Variants in SGCZ observed in about 807,000 individuals in gnomAD.
SGCZ encodes the protein sarcoglycan zeta, also known as zeta-sarcoglycan.
SGCZ carries 40 observed loss-of-function variants against 41.3 expected under a neutral mutation model. That is an observed-to-expected ratio of 0.97 (90% CI 0.75 to 1.26). The LOEUF (loss-of-function observed/expected upper bound fraction) is 1.26, where lower values mean the gene tolerates loss of function less well. Among genes scored for constraint, SGCZ ranks in the 50% most tolerant of loss-of-function variants. The pLI is 0.00. For synonymous variants in SGCZ, 206 were observed against 137.5 expected, an observed-to-expected ratio of 1.50 and a Z score of -3.49; for missense variants, 552 against 369.8, an observed-to-expected ratio of 1.49 and a Z score of -4.04.
At chr8:14,314,247 T>C (rs536686026) in intron 3 of SGCZ, among the ~76,000 whole-genome samples, 5 of 152,144 alleles carry the variant, frequency 3.3e-5, no homozygotes, top group African/African-American at 1.2e-4. Context: ...AACTTCAAAC[T>C]GTCTCCCAGT....
intron 1 of SGCZ, among the ~76,000 whole-genome samples, chr8:14,793,094 T>G (rs1314606936): frequency 6.6e-6 from 1 of 152,230 alleles, no homozygotes; most frequent in Non-Finnish European, 1.5e-5. Context: ...TTTCTTCCTA[T>G]TTTAGGAAAA....
intron 2 of SGCZ, among the ~76,000 whole-genome samples, chr8:14,524,084 G>A (rs1317489548): frequency 6.6e-6 from 1 of 151,936 alleles, no homozygotes; most frequent in African/African-American, 2.4e-5. Flanking sequence ...GGCAAAGTTG[G>A]TATCTAGTGA....
At chr8:15,016,925 T>C (rs1803061113) in intron 1 of SGCZ, among the ~76,000 whole-genome samples, 1 of 151,876 alleles carries the variant, frequency 6.6e-6, no homozygotes, top group African/African-American at 2.4e-5. Flanking sequence ...GCAGATCTGG[T>C]AATAATTAAT....
chr8:14,726,324 C>CTATATATATATATATA (rs1362751704), intron 1 of SGCZ, among the ~76,000 whole-genome samples: 1 of 121,176 alleles, frequency 8.3e-6, no homozygotes, highest in Admixed American at 8.8e-5. Context: ...ATATATATAT[C>CTATATATATATATATA]TATATATATA....
chr8:14,163,555 T>C (rs913893462), intron 5 of SGCZ, among the ~76,000 whole-genome samples: 2 of 152,348 alleles, frequency 1.3e-5, no homozygotes, highest in East Asian at 1.9e-4. Context: ...CTCTTCATTA[T>C]GTACTGAGCA....
intron 4 of SGCZ, among the ~76,000 whole-genome samples, chr8:14,168,206 A>G (rs1223983194): frequency 6.6e-6 from 1 of 152,208 alleles, no homozygotes; most frequent in Admixed American, 6.5e-5. Flanking sequence ...GAGATTCAAA[A>G]TTACCAACTA....
At chr8:14,170,794 G>C (rs554454649) in intron 4 of SGCZ, among the ~76,000 whole-genome samples, 2 of 151,584 alleles carry the variant, frequency 1.3e-5, no homozygotes, top group African/African-American at 2.4e-5. Context: ...TTTTTGACTC[G>C]TTAAGAAAAA....
At position 14,928,877 on chromosome 8, in the gene SGCZ, A is replaced by G. The variant is rs189270189; in HGVS notation, c.39+308708T>C. On this transcript the variant is annotated intron_variant, in intron 1 of 7. Transcript: ENST00000382080. The stretch of plus-strand genomic sequence containing the variant: ...ACAGAAATGAATGGATAATGTGCCT[A>G]TTATACCATCTCTCAAATATTAAAT... Among the ~76,000 whole-genome samples the G allele has an allele frequency of 4.1e-3, 620 of 152,314 alleles. 5 individuals carry two copies. The highest frequency in any genetic ancestry group is 0.017 in the South Asian group (83 of 4,826).
rs577764717 is a variant in SGCZ, at chr8:14,626,877, G to T, written c.40-71951C>A. On this transcript the variant is annotated intron_variant, in intron 1 of 7. Coordinates refer to ENST00000382080, the MANE Select transcript of SGCZ (RefSeq NM_139167.4). ...CACTTAGTTTGTGGTACTTTGTGAT[G>T]GTAGCAAACTAATAAACTGGCTCAT... 1.8e-4 allele frequency among the ~76,000 whole-genome samples: 27 copies of T among 152,168 alleles called. No individual in the cohort carries two copies. In the South Asian group the frequency reaches 5.2e-3, roughly 29 times the overall value.
chr8:14,952,254 C>G (rs1243128209), intron 1 of SGCZ, among the ~76,000 whole-genome samples: 1 of 152,070 alleles, frequency 6.6e-6, no homozygotes, highest in Non-Finnish European at 1.5e-5. Context: ...CATCTCTTGG[C>G]TTACAGGTTA....
At chr8:15,220,677 G>T (rs1329805510) in intron 1 of SGCZ, among the ~76,000 whole-genome samples, 1 of 152,052 alleles carries the variant, frequency 6.6e-6, no homozygotes, top group African/African-American at 2.4e-5. Context: ...ATACCCAAAG[G>T]ATTATAAATC....
At chr8:14,536,761 T>C (rs1437412915) in intron 2 of SGCZ, among the ~76,000 whole-genome samples, 2 of 149,558 alleles carry the variant, frequency 1.3e-5, no homozygotes, top group Admixed American at 1.3e-4. Flanking sequence ...AACTAAGGGC[T>C]TTCCATTTTT....
intron 2 of SGCZ, among the ~76,000 whole-genome samples, chr8:14,395,101 T>A (rs755430992): frequency 6.6e-6 from 1 of 152,192 alleles, no homozygotes; most frequent in Admixed American, 6.5e-5. Flanking sequence ...CTAAGGAACA[T>A]AGAATGTGCT....
At chr8:14,377,331 C>T (rs779564962) in intron 2 of SGCZ, among the ~76,000 whole-genome samples, 1 of 151,918 alleles carries the variant, frequency 6.6e-6, no homozygotes, top group Non-Finnish European at 1.5e-5. Flanking sequence ...TGCAGAGGTA[C>T]CCCTTGCCAC....
At chr8:14,306,939 T>C (rs958290500) in intron 3 of SGCZ, among the ~76,000 whole-genome samples, 8 of 152,328 alleles carry the variant, frequency 5.3e-5, no homozygotes, top group African/African-American at 1.9e-4. Flanking sequence ...CTTGTTTAAA[T>C]AATTCACTTC....
intron 4 of SGCZ, among the ~76,000 whole-genome samples, chr8:14,195,829 G>C (rs188902271): frequency 2.6e-5 from 4 of 152,156 alleles, no homozygotes; most frequent in East Asian, 3.9e-4. Flanking sequence ...ATCAAAGTAA[G>C]TGAAAAAGAC....
intron 3 of SGCZ, among the ~76,000 whole-genome samples, chr8:14,323,484 G>C (rs981490775): frequency 8.6e-5 from 13 of 151,966 alleles, no homozygotes; most frequent in African/African-American, 3.1e-4. Flanking sequence ...ATATATCCAA[G>C]AATATTTACT....
chr8:14,769,000 G>A (rs949480510), intron 1 of SGCZ, among the ~76,000 whole-genome samples: 1 of 151,866 alleles, frequency 6.6e-6, no homozygotes, highest in Non-Finnish European at 1.5e-5. Flanking sequence ...GGGCTGAAAT[G>A]TTTAAGATGG....
chr8:14,103,685 T>C (rs1802107557), intron 6 of SGCZ, among the ~76,000 whole-genome samples: 1 of 152,092 alleles, frequency 6.6e-6, no homozygotes, highest in Admixed American at 6.6e-5. Flanking sequence ...ACTTAAAAAT[T>C]TTAATCCCTA....
Sources: allele counts gnomAD v4.1 joint callset (sites outside exome capture counted in the v4.1 genomes callset), GRCh38; gene constraint gnomAD v4.1.1; transcripts MANE v1.5; gene names NCBI Gene and HGNC (gene_info 2026-07-23, HGNC 2026-07-21).